The following CISH variants were observed in gnomAD, a reference collection of about 807,000 sequenced individuals.
The protein encoded by CISH is cytokine-inducible SH2-containing protein.
A neutral mutation model predicts 21.3 loss-of-function variants in CISH; 11 were observed. The observed-to-expected ratio is 0.52, with a 90% confidence interval of 0.32 to 0.85. The LOEUF (loss-of-function observed/expected upper bound fraction) is 0.85, where lower values mean the gene tolerates loss of function less well. Ranked by LOEUF, CISH falls within the 40% of genes least tolerant of loss-of-function variation. The pLI is 0.03. For synonymous variants in CISH, 118 were observed against 142.3 expected, an observed-to-expected ratio of 0.83 and a Z score of 1.22; for missense variants, 280 against 351.7, an observed-to-expected ratio of 0.80 and a Z score of 1.63.
At position 50,608,453 on chromosome 3, in the gene CISH, G is replaced by T; in HGVS notation, c.161C>A (p.Thr54Lys). 3 of 1,613,842 alleles carry T rather than the reference G, an allele frequency of 1.9e-6. No individual in the cohort carries two copies. The highest frequency in any genetic ancestry group is 2.5e-6 in the Non-Finnish European group (3 of 1,179,884). The change falls in exon 2 of 3, where the codon ACA becomes AAA. Residue 54 changes from threonine to lysine, a missense_variant. Thr to Lys is a moderately conservative substitution (Grantham distance 78). Coordinates refer to ENST00000348721, the MANE Select transcript of CISH (RefSeq NM_145071.4). ...EEVAEGTPAQ[T>K]ESEPKVLDPE... ...GTCCAGCACCTTTGGCTCACTCTCT[G>T]TCTGGGCTGGGGTACCCTCTGCCAC...
Position 50,606,596 on chromosome 3 carries a change from C to A in CISH, c.*1011G>T, listed in dbSNP as rs893109615. 2 of 152,184 alleles carry A rather than the reference C, an allele frequency of 1.3e-5. No homozygotes were observed. Among genetic ancestry groups the A allele is most frequent in the Admixed American group, 6.5e-5 (1 of 15,268 alleles). The allele number at this position is 152,184 out of a possible 1,614,324, so 9.4% of individuals were successfully genotyped here. ...GAAGAGAAAAGACCACCAAACTGTTCTTTGCTATAATTATTATTTCATGAA... is the reference window on the plus strand; with the variant it reads ...GAAGAGAAAAGACCACCAAACTGTTATTTGCTATAATTATTATTTCATGAA... On this transcript the variant is annotated 3_prime_UTR_variant, in exon 3 of 3. Transcript: ENST00000348721.
intron 1 of CISH, chr3:50,609,812 A>G (rs1344892618): frequency 6.5e-6 from 1 of 152,832 alleles, no homozygotes. Context: ...TGCAGGTGTC[A>G]CGGGGGAGTC....
At chr3:50,610,745 G>T in intron 1 of CISH, 1 of 1,254,690 alleles carries the variant, frequency 8.0e-7, no homozygotes. Context: ...CACCAGGCCA[G>T]TTGCGATAAG....
In CISH at chr3:50,611,691, G is replaced by GGAC; in HGVS notation, c.-44_-42dup. ...GCGACTCCGGAGTGGGGACTCGGCT[G>GGAC]GACGGCGGCGGCTGGAGGGAACCAG... On this transcript the variant is annotated 5_prime_UTR_variant, in exon 1 of 3. Transcript: ENST00000348721. 1 of 1,458,850 alleles carries GGAC rather than the reference G, an allele frequency of 6.9e-7. No individual in the cohort carries two copies. Among genetic ancestry groups the GGAC allele is most frequent in the Non-Finnish European group, 9.0e-7 (1 of 1,106,444 alleles). The allele number at this position is 1,458,850 out of a possible 1,614,324, so 90.4% of individuals were successfully genotyped here.
chr3:50,608,679 G>A, intron 1 of CISH, 86 bp from the exon 2 acceptor site: 1 of 1,003,476 alleles, frequency 1.0e-6, no homozygotes. Context: ...CTAGTTTCAT[G>A]ACCTCTGGCT....
chr3:50,610,313 G>A, intron 1 of CISH: 2 of 1,535,510 alleles, frequency 1.3e-6, no homozygotes, highest in Non-Finnish European at 1.8e-6. Context: ...TGGGGCTGAT[G>A]TGGTAGCTGG....
chr3:50,611,341 G>T (rs1287918471), intron 1 of CISH: 2 of 1,322,634 alleles, frequency 1.5e-6, no homozygotes, highest in Non-Finnish European at 1.9e-6. Flanking sequence ...ACGCCGTGCC[G>T]TTAGCATCCA....
intron 1 of CISH, chr3:50,609,374 C>A (rs1396279190): frequency 1.3e-5 from 2 of 152,286 alleles, no homozygotes; most frequent in African/African-American, 4.8e-5. Flanking sequence ...CCAGCCCTAC[C>A]AGGCTCTACG....
intron 1 of CISH, chr3:50,610,495 C>G: frequency 6.4e-7 from 1 of 1,551,006 alleles, no homozygotes; most frequent in South Asian, 1.2e-5. Flanking sequence ...CCCTGACACC[C>G]AACAGTAGCC....
At chr3:50,610,832 C>T in intron 1 of CISH, 2 of 1,085,476 alleles carry the variant, frequency 1.8e-6, no homozygotes, top group Non-Finnish European at 2.3e-6. Context: ...TTCCTGAGCT[C>T]CTGTCACATC....
At position 50,608,148 on chromosome 3, in the gene CISH, C is replaced by A; in HGVS notation, c.242-6G>T. On this transcript the variant is annotated splice_region_variant and splice_polypyrimidine_tract_variant and intron_variant, in intron 2 of 2. Coordinates refer to ENST00000348721, the MANE Select transcript of CISH (RefSeq NM_145071.4). ...AATGGAACCCCAATACCAGCCTAGG[C>A]AAGTGCAGAGGGGGCCAAGGGACAT... 1 of 1,596,332 alleles carries A rather than the reference C, an allele frequency of 6.3e-7. No homozygotes were observed. The highest frequency in any genetic ancestry group is 1.1e-5 in the South Asian group (1 of 88,814).
chr3:50,611,577 T>C (rs1232114571), intron 1 of CISH, 54 bp downstream of exon 1: 1 of 1,525,888 alleles, frequency 6.6e-7, no homozygotes, highest in Non-Finnish European at 8.8e-7. Context: ...GAAGCCCCTG[T>C]TCTCCCGTGC....
At chr3:50,610,607 C>T in intron 1 of CISH, 1 of 1,458,160 alleles carries the variant, frequency 6.9e-7, no homozygotes, top group Non-Finnish European at 9.1e-7. Context: ...AGTGGTGGGG[C>T]AGGTATTCAG....
At position 50,607,729 on chromosome 3, in the gene CISH, T is replaced by G. The variant is rs760312690; in HGVS notation, c.655A>C (p.Ser219Arg). The change falls in exon 3 of 3, where the codon AGT (serine) becomes CGT (arginine). Residue 219 changes from serine (S) to arginine (R), a missense_variant. Ser to Arg is a moderately radical substitution (Grantham distance 110). Coordinates refer to ENST00000348721, the MANE Select transcript of CISH (RefSeq NM_145071.4). ...KLVQPFVRRS[S>R]ARSLQHLCRL... The stretch of plus-strand genomic sequence containing the variant: ...CACAGGTGTTGCAGGCTGCGGGCAC[T>G]GCTTCTGCGTACAAAGGGCTGCACC... The G allele has an allele frequency of 6.2e-7, 1 of 1,613,952 alleles. No individual in the cohort carries two copies. Among genetic ancestry groups the G allele is most frequent in the Non-Finnish European group, 8.5e-7 (1 of 1,179,926 alleles).
In CISH at chr3:50,606,897, G is replaced by A. The variant is rs566585100; in HGVS notation, c.*710C>T. On this transcript the variant is annotated 3_prime_UTR_variant, in exon 3 of 3. Coordinates refer to ENST00000348721, the MANE Select transcript of CISH (RefSeq NM_145071.4). ...GTCCATCCTCCCCAAATATGGCTGGGGGCAGAAGAGAGTGGACACATTCAC... is the reference window on the plus strand; with the variant it reads ...GTCCATCCTCCCCAAATATGGCTGGAGGCAGAAGAGAGTGGACACATTCAC... 2.0e-5 allele frequency: 3 copies of A among 152,428 alleles called. No individual in the cohort carries two copies. The highest frequency in any genetic ancestry group is 2.1e-4 in the South Asian group (1 of 4,828). 9.4% of individuals were successfully genotyped at this position (152,428 alleles called of 1,614,324 possible).
chr3:50,608,651 A>G, intron 1 of CISH, 58 bp from the exon 2 acceptor site: 4 of 1,251,812 alleles, frequency 3.2e-6, no homozygotes, highest in Non-Finnish European at 4.2e-6. Flanking sequence ...ATCTCCAGAG[A>G]CCCCCCTATG....
At chr3:50,611,422 C>T (rs1575988069) in intron 1 of CISH, 2 of 1,364,780 alleles carry the variant, frequency 1.5e-6, no homozygotes, top group Non-Finnish European at 1.9e-6. Context: ...CCCCCGGTTT[C>T]CCAATCCACA....
chr3:50,610,450 G>A (rs769737221), intron 1 of CISH: 10 of 1,551,422 alleles, frequency 6.4e-6, no homozygotes, highest in Non-Finnish European at 8.7e-6. Flanking sequence ...ACATGTGTGT[G>A]CCCGCTTTGG....
In CISH at chr3:50,608,146, G is replaced by A; in HGVS notation, c.242-4C>T. ...GTAATGGAACCCCAATACCAGCCTAGGCAAGTGCAGAGGGGGCCAAGGGAC... is the reference window on the plus strand; with the variant it reads ...GTAATGGAACCCCAATACCAGCCTAAGCAAGTGCAGAGGGGGCCAAGGGAC... On this transcript the variant is annotated splice_region_variant and splice_polypyrimidine_tract_variant and intron_variant, in intron 2 of 2. Transcript: ENST00000348721. 2 of 1,597,304 alleles carry A rather than the reference G, an allele frequency of 1.3e-6. No individual in the cohort carries two copies. The highest frequency in any genetic ancestry group is 2.7e-5 in the African/African-American group (2 of 74,858).
Sources: allele counts gnomAD v4.1 joint callset, GRCh38; gene constraint gnomAD v4.1.1; transcripts MANE v1.5; gene names NCBI Gene and HGNC (gene_info 2026-07-23, HGNC 2026-07-21).